The following ZBTB3 variants were observed in gnomAD, a reference collection of about 807,000 sequenced individuals.
ZBTB3 encodes the protein zinc finger and BTB domain containing 3.
ZBTB3 carries 15 observed loss-of-function variants against 30.6 expected under a neutral mutation model. The observed-to-expected ratio is 0.49, with a 90% CI of 0.33 to 0.75. The LOEUF (loss-of-function observed/expected upper bound fraction) is 0.75, where lower values mean the gene tolerates loss of function less well. Among genes scored for constraint, ZBTB3 ranks in the 30% least tolerant of loss-of-function variants. ZBTB3 has a pLI of 0.02. For missense variants in ZBTB3, 599 were observed against 652.1 expected, an observed-to-expected ratio of 0.92 and a Z score of 0.89; for synonymous variants, 258 against 261.7, an observed-to-expected ratio of 0.99 and a Z score of 0.14.
In ZBTB3 at chr11:62,753,566, G is replaced by T; in HGVS notation, c.99C>A (p.Thr33=). 6.2e-7 allele frequency: 1 copy of T among 1,614,122 alleles called. No homozygotes were observed. The highest frequency in any genetic ancestry group is 1.1e-5 in the South Asian group (1 of 91,076). ...GCACAGCCCGATGGGCCAAGAACTG[G>T]GTACTACCCACCATCACGGTGCAGT... is the stretch of plus-strand genomic sequence containing the variant. ...LCDCTVMVGS[T]QFLAHRAVLA... The change falls in exon 2 of 2, where the codon ACC becomes ACA. Residue 33 remains threonine, a synonymous_variant. Transcript: ENST00000394807.
Position 62,754,075 on chromosome 11 carries a change from T to C in ZBTB3, c.-163A>G. 1 of 1,613,520 alleles carries C rather than the reference T, an allele frequency of 6.2e-7. No homozygotes were observed. The highest frequency in any genetic ancestry group is 8.5e-7 in the Non-Finnish European group (1 of 1,179,514). ...ACTCCCTAAGCATCTCCCTCACGCA[T>C]TCCAGGGGCTAAGGACTACCAGGGT... On this transcript the variant is annotated 5_prime_UTR_variant, in exon 1 of 2. It removes an upstream start codon present in the reference 5' UTR. Coordinates refer to ENST00000394807, the MANE Select transcript of ZBTB3 (RefSeq NM_001370809.1).
In ZBTB3 at chr11:62,751,089, T is replaced by C. The variant is rs1246260421; in HGVS notation, c.*1001A>G. On this transcript the variant is annotated 3_prime_UTR_variant, in exon 2 of 2. Transcript: ENST00000394807. Reference sequence around the variant, plus strand: ...TAGGCTTTGCCCCATAAAGTCCTGCTTATCTGGCTGGGCAAAGAAAAGGGT... The same window carrying C: ...TAGGCTTTGCCCCATAAAGTCCTGCCTATCTGGCTGGGCAAAGAAAAGGGT... The C allele has an allele frequency of 1.3e-5, 2 of 152,354 alleles. No individual in the cohort carries two copies. Among genetic ancestry groups the C allele is most frequent in the Non-Finnish European group, 2.9e-5 (2 of 68,028 alleles). 9.4% of individuals were successfully genotyped at this position (152,354 alleles called of 1,614,324 possible).
chr11:62,754,141 G>A lies in ZBTB3; in HGVS notation c.-229C>T, dbSNP rs535140946. The A allele has an allele frequency of 7.1e-5, 101 of 1,412,608 alleles. No individual in the cohort carries two copies. The African/African-American group carries it at 1.1e-3, about 15-fold the overall frequency. The allele number at this position is 1,412,608 out of a possible 1,614,324, so 87.5% of individuals were successfully genotyped here. On this transcript the variant is annotated 5_prime_UTR_variant, in exon 1 of 2. Transcript: ENST00000394807. ...AAGCTGATACCTCACCCACCACCGA[G>A]CAGCCACAGGGCGAGCTCCGCCCCT...
At position 62,753,718 on chromosome 11, in the gene ZBTB3, G is replaced by T; in HGVS notation, c.-51-3C>A. 1 of 1,584,618 alleles carries T rather than the reference G, an allele frequency of 6.3e-7. No homozygotes were observed. The highest frequency in any genetic ancestry group is 1.4e-5 in the African/African-American group (1 of 73,690). On this transcript the variant is annotated splice_region_variant and splice_polypyrimidine_tract_variant and intron_variant, in intron 1 of 1. Coordinates refer to ENST00000394807, the MANE Select transcript of ZBTB3 (RefSeq NM_001370809.1). ...AAAAGGTCCCCACCAGTGGCTCCCT[G>T]AGAAAAAAGGGCAGTGAGTTAAGAC...
Position 62,754,156 on chromosome 11 carries a change from G to A in ZBTB3, c.-244C>T, listed in dbSNP as rs2084044439. On this transcript the variant is annotated 5_prime_UTR_variant, in exon 1 of 2. Transcript: ENST00000394807. ...CCACCACCGAGCAGCCACAGGGCGA[G>A]CTCCGCCCCTTCCCACCTTCTCAGC... 1.6e-6 allele frequency: 2 copies of A among 1,238,642 alleles called. No homozygotes were observed. The highest frequency in any genetic ancestry group is 2.4e-6 in the Non-Finnish European group (2 of 845,030). 76.7% of individuals were successfully genotyped at this position (1,238,642 alleles called of 1,614,324 possible).
At position 62,752,353 on chromosome 11, in the gene ZBTB3, G is replaced by A. The variant is rs1235161007; in HGVS notation, c.1312C>T (p.Arg438Trp). ...GKTFSCSYTL[R>W]RHATVHTRER... The stretch of plus-strand genomic sequence containing the variant: ...CGTGTGTGCACCGTGGCATGTCGCC[G>A]TAGTGTGTAAGAGCATGAGAAGGTC... The change falls in exon 2 of 2, where the codon CGG (arginine) becomes TGG (tryptophan). Residue 438 changes from arginine to tryptophan, a missense_variant. Transcript: ENST00000394807. 7 of 1,614,172 alleles carry A rather than the reference G, an allele frequency of 4.3e-6. No homozygotes were observed. The highest frequency in any genetic ancestry group is 1.3e-5 in the African/African-American group (1 of 75,070).
rs891239476 is a variant in ZBTB3, at chr11:62,753,730, C to T, written c.-51-15G>A. 3 of 1,584,738 alleles carry T rather than the reference C, an allele frequency of 1.9e-6. No individual in the cohort carries two copies. Among genetic ancestry groups the T allele is most frequent in the Non-Finnish European group, 1.7e-6 (2 of 1,168,566 alleles). ...CCAGTGGCTCCCTGAGAAAAAAGGG[C>T]AGTGAGTTAAGACAGGTAACCTCCC... On this transcript the variant is annotated splice_polypyrimidine_tract_variant and intron_variant, in intron 1 of 1. Transcript: ENST00000394807.
chr11:62,753,667 T>A lies in ZBTB3; in HGVS notation c.-3A>T, dbSNP rs149727586. On this transcript the variant is annotated 5_prime_UTR_variant, in exon 2 of 2. Coordinates refer to ENST00000394807, the MANE Select transcript of ZBTB3 (RefSeq NM_001370809.1). ...TGACTGTGTTCTGGGAACTCCATAGTACCCCACGAAGGAAAGGGGGCCCAA... is the reference window on the plus strand; with the variant it reads ...TGACTGTGTTCTGGGAACTCCATAGAACCCCACGAAGGAAAGGGGGCCCAA... 3.9e-3 allele frequency: 6,277 copies of A among 1,610,404 alleles called. 65 individuals carry two copies. The highest frequency in any genetic ancestry group is 0.021 in the South Asian group (1,909 of 90,960).
At position 62,753,300 on chromosome 11, in the gene ZBTB3, C is replaced by T. The variant is rs2134844628; in HGVS notation, c.365G>A (p.Arg122Gln). Residue 122 changes from arginine to glutamine, a missense_variant, in exon 2 of 2, where the codon CGG becomes CAG. Physicochemically the swap from Arg to Gln is conservative, Grantham distance 43 (BLOSUM62 1). Coordinates refer to ENST00000394807, the MANE Select transcript of ZBTB3 (RefSeq NM_001370809.1). ...VKVCKRRLQA[R>Q]ALAEADSTKK... ...GGTACTGTCTGCCTCTGCCAGGGCCCGGGCTTGAAGCCGCCGCTTACACAC... is the reference window on the plus strand; with the variant it reads ...GGTACTGTCTGCCTCTGCCAGGGCCTGGGCTTGAAGCCGCCGCTTACACAC... The T allele has an allele frequency of 1.9e-6, 3 of 1,614,096 alleles. No individual in the cohort carries two copies. The highest frequency in any genetic ancestry group is 1.7e-6 in the Non-Finnish European group (2 of 1,180,044).
rs750237316 is a variant in ZBTB3 at position 62,754,010 on chromosome 11, C to A, written c.-98G>T. On this transcript the variant is annotated 5_prime_UTR_variant, in exon 1 of 2. Coordinates refer to ENST00000394807, the MANE Select transcript of ZBTB3 (RefSeq NM_001370809.1). ...ACGAAGTAGAGATCTTTTTCGCTCC[C>A]AGGCCTTGCCAGGCGATGCCTCTAC... 4.3e-6 allele frequency: 7 copies of A among 1,614,118 alleles called. No individual in the cohort carries two copies. The Admixed American group carries it at 1.2e-4, about 27-fold the overall frequency.
In ZBTB3 at chr11:62,754,050, A is replaced by G; in HGVS notation, c.-138T>C. 6.2e-7 allele frequency: 1 copy of G among 1,613,694 alleles called. No individual in the cohort carries two copies. Among genetic ancestry groups the G allele is most frequent in the Non-Finnish European group, 8.5e-7 (1 of 1,179,948 alleles). ...GATGCCTCTACGCCCCACTTCGAGA[A>G]CTCCCTAAGCATCTCCCTCACGCAT... is the stretch of plus-strand genomic sequence containing the variant. On this transcript the variant is annotated 5_prime_UTR_variant, in exon 1 of 2. Transcript: ENST00000394807.
In ZBTB3 at chr11:62,752,166, G is replaced by C. The variant is rs1442225180; in HGVS notation, c.1499C>G (p.Pro500Arg). Reference protein sequence around the residue: ...LLGVQPLPGSPTADRQSSSGG... With the variant: ...LLGVQPLPGSRTADRQSSSGG... ...ACTGCTGCTCTGTCTGTCTGCTGTT[G>C]GGGAGCCAGGGAGAGGCTGCACCCC... Residue 500 changes from proline (P) to arginine (R), a missense_variant, in exon 2 of 2, where the codon CCA (proline) becomes CGA (arginine). Coordinates refer to ENST00000394807, the MANE Select transcript of ZBTB3 (RefSeq NM_001370809.1). The C allele has an allele frequency of 6.2e-7, 1 of 1,614,074 alleles. No individual in the cohort carries two copies. Among genetic ancestry groups the C allele is most frequent in the Non-Finnish European group, 8.5e-7 (1 of 1,179,984 alleles).
chr11:62,751,884 G>A lies in ZBTB3; in HGVS notation c.*206C>T, dbSNP rs556984793. The A allele has an allele frequency of 1.1e-3, 463 of 430,406 alleles. 1 individual carries two copies. Among genetic ancestry groups the A allele is most frequent in the Non-Finnish European group, 1.6e-3 (406 of 248,908 alleles). 26.7% of individuals were successfully genotyped at this position (430,406 alleles called of 1,614,324 possible). On this transcript the variant is annotated 3_prime_UTR_variant, in exon 2 of 2. Coordinates refer to ENST00000394807, the MANE Select transcript of ZBTB3 (RefSeq NM_001370809.1). ...GGGGAGGCTGAGCTTGCAGTGAGCC[G>A]AGATCGCGCCACTGCACTCCAGTCT...
chr11:62,753,904 G>A (rs1424530509), intron 1 of ZBTB3, 60 bp downstream of exon 1: 4 of 1,521,786 alleles, frequency 2.6e-6, no homozygotes, highest in Middle Eastern at 1.8e-4. Flanking sequence ...ACCCCCGTCC[G>A]ATAAGCCCTG....
Position 62,752,167 on chromosome 11 carries a change from G to A in ZBTB3, c.1498C>T (p.Pro500Ser). 1 of 1,614,086 alleles carries A rather than the reference G, an allele frequency of 6.2e-7. No individual in the cohort carries two copies. The highest frequency in any genetic ancestry group is 2.2e-5 in the East Asian group (1 of 44,858). Residue 500 changes from proline to serine, a missense_variant, in exon 2 of 2, where the codon CCA (proline) becomes TCA (serine). Pro to Ser is a moderately conservative substitution (Grantham distance 74, BLOSUM62 -1). Transcript: ENST00000394807. ...LLGVQPLPGS[P>S]TADRQSSSGG... ...CTGCTGCTCTGTCTGTCTGCTGTTG[G>A]GGAGCCAGGGAGAGGCTGCACCCCT...
Position 62,751,962 on chromosome 11 carries a change from A to T in ZBTB3, c.*128T>A. 1.7e-5 allele frequency: 14 copies of T among 823,062 alleles called. No individual in the cohort carries two copies. Among genetic ancestry groups the T allele is most frequent in the Non-Finnish European group, 2.3e-5 (13 of 559,368 alleles). 51.0% of individuals were successfully genotyped at this position (823,062 alleles called of 1,614,324 possible). ...AAAAATAAAAGATTAAAAAAAAAAAAGGGTAGGAACTTTCAGCCTGGGCAG... is the reference window on the plus strand; with the variant it reads ...AAAAATAAAAGATTAAAAAAAAAAATGGGTAGGAACTTTCAGCCTGGGCAG... On this transcript the variant is annotated 3_prime_UTR_variant, in exon 2 of 2. Transcript: ENST00000394807.
Position 62,754,122 on chromosome 11 carries a change from A to C in ZBTB3, c.-210T>G, listed in dbSNP as rs1053968332. ...GGGTGGGAACTAGCGGAGAAAGCTGATACCTCACCCACCACCGAGCAGCCA... is the reference window on the plus strand; with the variant it reads ...GGGTGGGAACTAGCGGAGAAAGCTGCTACCTCACCCACCACCGAGCAGCCA... On this transcript the variant is annotated 5_prime_UTR_variant, in exon 1 of 2. Transcript: ENST00000394807. 1 of 1,539,330 alleles carries C rather than the reference A, an allele frequency of 6.5e-7. No individual in the cohort carries two copies. Among genetic ancestry groups the C allele is most frequent in the Non-Finnish European group, 9.0e-7 (1 of 1,112,692 alleles).
At position 62,752,431 on chromosome 11, in the gene ZBTB3, C is replaced by T. The variant is rs777635282; in HGVS notation, c.1234G>A (p.Gly412Arg). The T allele has an allele frequency of 1.9e-6, 3 of 1,614,042 alleles. No homozygotes were observed. Among genetic ancestry groups the T allele is most frequent in the Admixed American group, 1.7e-5 (1 of 59,996 alleles). The change falls in exon 2 of 2, where the codon GGA (glycine) becomes AGA (arginine). Residue 412 changes from glycine (G) to arginine (R), a missense_variant. Physicochemically the swap from Gly to Arg is moderately radical, Grantham distance 125 (BLOSUM62 -2). Transcript: ENST00000394807. Reference protein sequence around the residue: ...YLSSEYEAAPGSFGVFTEDVP... With the variant: ...YLSSEYEAAPRSFGVFTEDVP... ...TCCTCAGTAAAAACCCCAAAGCTTCCTGGAGCTGCTTCGTACTCAGAAGAC... is the reference window on the plus strand; with the variant it reads ...TCCTCAGTAAAAACCCCAAAGCTTCTTGGAGCTGCTTCGTACTCAGAAGAC...
Position 62,754,143 on chromosome 11 carries a change from A to C in ZBTB3, c.-231T>G. The C allele has an allele frequency of 7.1e-7, 1 of 1,407,256 alleles. No homozygotes were observed. The highest frequency in any genetic ancestry group is 1.2e-5 in the South Asian group (1 of 86,682). The allele number at this position is 1,407,256 out of a possible 1,614,324, so 87.2% of individuals were successfully genotyped here. On this transcript the variant is annotated 5_prime_UTR_variant, in exon 1 of 2. Coordinates refer to ENST00000394807, the MANE Select transcript of ZBTB3 (RefSeq NM_001370809.1). ...GCTGATACCTCACCCACCACCGAGC[A>C]GCCACAGGGCGAGCTCCGCCCCTTC... is the stretch of plus-strand genomic sequence containing the variant.
Sources: allele counts gnomAD v4.1 joint callset, GRCh38; gene constraint gnomAD v4.1.1; transcripts MANE v1.5; gene names NCBI Gene and HGNC (gene_info 2026-07-23, HGNC 2026-07-21).